SCARA5: variants seen among roughly 807,000 people sequenced by gnomAD.
SCARA5 encodes the protein scavenger receptor class A, member 5 (putative).
SCARA5 carries 45 observed loss-of-function variants against 46.3 expected under a neutral mutation model. The observed-to-expected ratio is 0.97, with a 90% CI of 0.76 to 1.24. SCARA5 has a LOEUF of 1.24. SCARA5 is among the 50% of genes most tolerant of loss of function. The pLI is 0.00. For synonymous variants in SCARA5, 333 were observed against 306.5 expected (o/e 1.09, Z -0.90); for missense variants, 680 against 689.0 (o/e 0.99, Z 0.15).
intron 7 of SCARA5, among the ~76,000 whole-genome samples, chr8:27,897,484 A>G (rs1165950345): frequency 6.6e-6 from 1 of 152,206 alleles, no homozygotes; most frequent in African/African-American, 2.4e-5. Context: ...CATTTCTTTC[A>G]CTGGTTTTCA....
At chr8:27,989,860 G>A (rs1183055581) in intron 1 of SCARA5, among the ~76,000 whole-genome samples, 1 of 152,212 alleles carries the variant, frequency 6.6e-6, no homozygotes, top group Non-Finnish European at 1.5e-5. Flanking sequence ...AAGTTGCAAG[G>A]GACCCTCCCT....
At chr8:27,899,611 A>C (rs564959153) in intron 7 of SCARA5, among the ~76,000 whole-genome samples, 2 of 152,196 alleles carry the variant, frequency 1.3e-5, no homozygotes, top group Non-Finnish European at 2.9e-5. Flanking sequence ...TTACAATCCT[A>C]TGGATGGCTT....
intron 4 of SCARA5, among the ~76,000 whole-genome samples, chr8:27,909,950 G>C (rs1460886867): frequency 2.6e-5 from 4 of 152,024 alleles, no homozygotes; most frequent in Non-Finnish European, 2.9e-5. Context: ...ATCTCAAAGA[G>C]AAACAGGAGT....
chr8:27,988,431 TGAC>T (rs1391106709), intron 1 of SCARA5, among the ~76,000 whole-genome samples: 2 of 152,264 alleles, frequency 1.3e-5, no homozygotes, highest in African/African-American at 4.8e-5. Flanking sequence ...AACAGCCTGT[TGAC>T]GCAACAATGT....
chr8:27,920,529 G>A (rs906463171), intron 4 of SCARA5, among the ~76,000 whole-genome samples: 4 of 150,634 alleles, frequency 2.7e-5, no homozygotes, highest in South Asian at 2.1e-4. Context: ...CAGGAGAATC[G>A]CTTGAACCTG....
intron 8 of SCARA5, among the ~76,000 whole-genome samples, chr8:27,875,455 A>T (rs960785278): frequency 6.6e-6 from 1 of 152,178 alleles, no homozygotes; most frequent in African/African-American, 2.4e-5. Context: ...GTGAGGGAGC[A>T]TGGAAGGAGC....
intron 3 of SCARA5, among the ~76,000 whole-genome samples, chr8:27,939,545 A>C (rs1320163492): frequency 6.6e-6 from 1 of 152,186 alleles, no homozygotes; most frequent in African/African-American, 2.4e-5. Context: ...GGCCTGTAAG[A>C]GACCCTGGCA....
At chr8:27,873,166 A>T (rs2004361) in intron 8 of SCARA5, among the ~76,000 whole-genome samples, 20,376 of 152,112 alleles carry the variant, frequency 0.13, 1,484 homozygotes, top group East Asian at 0.23. Context: ...AGAAAAGCAG[A>T]CACACAAAAT....
intron 4 of SCARA5, among the ~76,000 whole-genome samples, chr8:27,919,242 G>GAGGAGGACA (rs1807542771): frequency 0.012 from 2 of 168 alleles, no homozygotes; most frequent in Admixed American, 0.12. Context: ...GGAAGAGACG[G>GAGGAGGACA]AGGAGGAAGA....
intron 3 of SCARA5, among the ~76,000 whole-genome samples, chr8:27,932,698 G>A (rs191573134): frequency 1.2e-3 from 179 of 152,240 alleles, no homozygotes; most frequent in African/African-American, 3.3e-3. Context: ...GCGCAATCTC[G>A]GCTCACTGCA....
intron 2 of SCARA5, among the ~76,000 whole-genome samples, chr8:27,986,897 G>A (rs1808713363): frequency 6.6e-6 from 1 of 152,184 alleles, no homozygotes; most frequent in South Asian, 2.1e-4. Flanking sequence ...GTCATCTACT[G>A]GGTGCACAGG....
At chr8:27,956,031 AGAT>A (rs1311352570) in intron 3 of SCARA5, among the ~76,000 whole-genome samples, 2 of 152,154 alleles carry the variant, frequency 1.3e-5, no homozygotes, top group African/African-American at 4.8e-5. Flanking sequence ...ATTGGATTTG[AGAT>A]GATGTTTGTT....
At chr8:27,971,279 C>T (rs928927659) in intron 2 of SCARA5, among the ~76,000 whole-genome samples, 5 of 152,194 alleles carry the variant, frequency 3.3e-5, no homozygotes, top group South Asian at 2.1e-4. Context: ...GCGATGCACT[C>T]GGTGCCAGAG....
At chr8:27,959,757 C>T (rs147567167) in intron 3 of SCARA5, among the ~76,000 whole-genome samples, 5 of 152,280 alleles carry the variant, frequency 3.3e-5, no homozygotes, top group Admixed American at 1.3e-4. Flanking sequence ...TTCTGTGACT[C>T]GCAGTTGTTT....
chr8:27,921,786 AG>A lies in SCARA5; in HGVS notation c.700del (p.Leu234CysfsTer19). 1 of 1,571,602 alleles carries A rather than the reference AG, an allele frequency of 6.4e-7. No individual in the cohort carries two copies. The highest frequency in any genetic ancestry group is 8.6e-7 in the Non-Finnish European group (1 of 1,162,998). Reference protein sequence around the residue: ...GGVLRGLNHSLSYDVALHRTR... With the variant: ...GGVLRGLNHSXSYDVALHRTR... ...GCGGTGGAGGGCCACGTCGTAGGACAGGCTGTGGTTGAGGCCGCGCAGCACG... is the reference window on the plus strand; with the variant it reads ...GCGGTGGAGGGCCACGTCGTAGGACAGCTGTGGTTGAGGCCGCGCAGCACG... On this transcript the variant is annotated frameshift_variant, in exon 4 of 9. Coordinates refer to ENST00000354914, the MANE Select transcript of SCARA5 (RefSeq NM_173833.6). LOFTEE classifies it high-confidence loss of function.
chr8:27,875,920 G>A lies in SCARA5; in HGVS notation c.1351+3649C>T, dbSNP rs184024600. Among the ~76,000 whole-genome samples the A allele has an allele frequency of 6.1e-3, 926 of 152,286 alleles. 3 individuals are homozygous for A. The highest frequency in any genetic ancestry group is 0.01 in the Non-Finnish European group (709 of 68,024). ...GGAGGCTGAGGCAGGAGGATTGCTT[G>A]AGCCTGGGAGGTCGAGGCTGCAGCA... On this transcript the variant is annotated intron_variant, in intron 8 of 8. Transcript: ENST00000354914.
At chr8:27,945,457 C>A (rs926861205) in intron 3 of SCARA5, among the ~76,000 whole-genome samples, 9 of 152,162 alleles carry the variant, frequency 5.9e-5, no homozygotes, top group Admixed American at 2.6e-4. Flanking sequence ...TGGGTTTCAG[C>A]CTTATTTTGG....
At chr8:27,991,367 G>C (rs1040011024) in intron 1 of SCARA5, among the ~76,000 whole-genome samples, 9 of 152,202 alleles carry the variant, frequency 5.9e-5, no homozygotes, top group African/African-American at 7.2e-5. Flanking sequence ...CAGGTAAGGG[G>C]GTGTCCAGGT....
intron 2 of SCARA5, among the ~76,000 whole-genome samples, chr8:27,970,977 A>G (rs528587472): frequency 2.0e-5 from 3 of 152,242 alleles, no homozygotes; most frequent in Non-Finnish European, 2.9e-5. Flanking sequence ...TTATGCGGCA[A>G]TAGATAACTA....
Sources: gnomAD v4.1 joint callset for allele counts (sites outside exome capture counted in the v4.1 genomes callset) on GRCh38, gnomAD v4.1.1 for gene constraint, MANE v1.5 for transcripts, NCBI Gene and HGNC (gene_info 2026-07-23, HGNC 2026-07-21) for gene names.